Variants in VWA5B2 observed in about 807,000 individuals in gnomAD.
The protein encoded by VWA5B2 is von Willebrand factor A domain-containing protein 5B2.
A neutral mutation model predicts 118.5 loss-of-function variants in VWA5B2; 93 were observed. The ratio of observed to expected loss-of-function variants is 0.79; its 90% CI spans 0.66 to 0.93. The LOEUF (loss-of-function observed/expected upper bound fraction) is 0.93, where lower values mean the gene tolerates loss of function less well. Ranked by LOEUF, VWA5B2 falls within the 40% of genes least tolerant of loss-of-function variation. The pLI is 0.00. For synonymous variants in VWA5B2, 708 were observed against 716.3 expected, an observed-to-expected ratio of 0.99 and a Z score of 0.19; for missense variants, 1,546 against 1,672.8, an observed-to-expected ratio of 0.92 and a Z score of 1.32.
chr3:184,238,473 G>C lies in VWA5B2; in HGVS notation c.1890G>C (p.Gln630His). 5 of 1,544,582 alleles carry C rather than the reference G, an allele frequency of 3.2e-6. No individual in the cohort carries two copies. Among genetic ancestry groups the C allele is most frequent in the Non-Finnish European group, 4.4e-6 (5 of 1,141,786 alleles). ...CATGGGCTGCCAGGGACTCGGAGCA[G>C]AGTGAGTGCCCAGGTGTATGTGTGT... is the stretch of plus-strand genomic sequence containing the variant. ...SSPWAARDSE[Q>H]STDALTDPVT... The change falls in exon 13 of 20, where the codon CAG becomes CAC. Residue 630 changes from glutamine to histidine, a missense_variant and splice_region_variant. Gln to His is a conservative substitution (Grantham distance 24). This residue lies in a region of VWA5B2 where 775 missense variants were observed against 882.3 expected (regional missense o/e 0.88). Coordinates refer to ENST00000691901, the MANE Select transcript of VWA5B2 (RefSeq NM_001390846.1). The surrounding 1 kb of genome is among the most constrained non-coding windows in gnomAD (Gnocchi z 5.0).
intron 7 of VWA5B2, 113 bp downstream of exon 7, chr3:184,234,868 G>C (rs1717807197): frequency 6.9e-7 from 1 of 1,457,390 alleles, no homozygotes; most frequent in Non-Finnish European, 9.2e-7. Context: ...TTCTCGGTAA[G>C]ATCTCTCCAC....
chr3:184,237,279 G>A lies in VWA5B2; in HGVS notation c.1587G>A (p.Val529=). Residue 529 remains valine (V), a synonymous_variant, in exon 12 of 20, where the codon GTG becomes GTA. Transcript: ENST00000691901. This position sits in a 1 kb window ranked among gnomAD's most constrained non-coding sequence, Gnocchi z 5.6. ...ALEPALSDIS[V]DWFVPDTVEA... ...AGCCTGCTTTGAGTGACATCTCTGT[G>A]GACTGGTTTGTGCCCGACACTGTGG... The A allele has an allele frequency of 1.9e-6, 3 of 1,551,638 alleles. No individual in the cohort carries two copies. Among genetic ancestry groups the A allele is most frequent in the Non-Finnish European group, 2.6e-6 (3 of 1,147,032 alleles).
chr3:184,234,735 G>A lies in VWA5B2; in HGVS notation c.925G>A (p.Asp309Asn), dbSNP rs1298670492. The change falls in exon 7 of 20, where the codon GAC becomes AAC. Residue 309 changes from aspartate to asparagine, a missense_variant. By Grantham distance (23) the Asp-to-Asn change is conservative. This residue lies in a region of VWA5B2 where 775 missense variants were observed against 882.3 expected (regional missense o/e 0.88). Transcript: ENST00000691901. The stretch of plus-strand genomic sequence containing the variant: ...AGATTTTCAGAGGCTACAGCGAAGG[G>A]ACAGTGATGGGGACCGGCAGGTACC... ...RRDFQRLQRR[D>N]SDGDRQVWFL... The A allele has an allele frequency of 6.4e-7, 1 of 1,551,478 alleles. No homozygotes were observed. The highest frequency in any genetic ancestry group is 1.2e-5 in the South Asian group (1 of 84,050).
intron 16 of VWA5B2, 30 bp downstream of exon 16, chr3:184,240,066 C>T: frequency 6.8e-7 from 1 of 1,476,228 alleles, no homozygotes; most frequent in Non-Finnish European, 9.0e-7. Context: ...AGTCAGGACC[C>T]AAAGGCATGG....
intron 3 of VWA5B2, among the ~76,000 whole-genome samples, chr3:184,232,184 A>T (rs1717463676): frequency 6.6e-6 from 1 of 152,088 alleles, no homozygotes; most frequent in Non-Finnish European, 1.5e-5. Flanking sequence ...GATGAAAGTC[A>T]TAGCAGGGGT....
chr3:184,239,676 C>T lies in VWA5B2; in HGVS notation c.2393-13C>T. ...ACCACTCTGCCCATGCCCCTGCTGT[C>T]TTGCCTCCCCAGGAAACCTGCTCTC... On this transcript the variant is annotated splice_polypyrimidine_tract_variant and intron_variant, in intron 15 of 19. Transcript: ENST00000691901. The surrounding 1 kb of genome is among the most constrained non-coding windows in gnomAD (Gnocchi z 5.1). The T allele has an allele frequency of 6.8e-7, 1 of 1,466,552 alleles. No individual in the cohort carries two copies. The highest frequency in any genetic ancestry group is 9.1e-7 in the Non-Finnish European group (1 of 1,102,700). 90.8% of individuals were successfully genotyped at this position (1,466,552 alleles called of 1,614,324 possible).
In VWA5B2 at chr3:184,236,628, C is replaced by A. The variant is rs1560154065; in HGVS notation, c.1422-10C>A. The A allele has an allele frequency of 6.4e-7, 1 of 1,550,394 alleles. No individual in the cohort carries two copies. Among genetic ancestry groups the A allele is most frequent in the East Asian group, 2.4e-5 (1 of 40,884 alleles). On this transcript the variant is annotated splice_polypyrimidine_tract_variant and intron_variant, in intron 10 of 19. Coordinates refer to ENST00000691901, the MANE Select transcript of VWA5B2 (RefSeq NM_001390846.1). ...CCTGAAGATCACAGCTGCTTCCTTT[C>A]CTTCATCAGATGCTTCTCCTTTGGG...
rs1718346127 is a variant in VWA5B2 at position 184,239,541 on chromosome 3, C to G, written c.2350C>G (p.Pro784Ala). The G allele has an allele frequency of 6.5e-7, 1 of 1,541,524 alleles. No individual in the cohort carries two copies. The highest frequency in any genetic ancestry group is 8.8e-7 in the Non-Finnish European group (1 of 1,140,036). ...SLGAILDGPS[P>A]EPGQQLGQGL... Reference sequence around the variant, plus strand: ...GGGTGCAATACTAGATGGCCCAAGTCCTGAGCCAGGCCAACAGTTGGGACA... The same window carrying G: ...GGGTGCAATACTAGATGGCCCAAGTGCTGAGCCAGGCCAACAGTTGGGACA... The change falls in exon 15 of 20, where the codon CCT (proline) becomes GCT (alanine). Residue 784 changes from proline to alanine, a missense_variant. Transcript: ENST00000691901. The surrounding 1 kb of genome is among the most constrained non-coding windows in gnomAD (Gnocchi z 5.1).
chr3:184,236,506 C>T lies in VWA5B2; in HGVS notation c.1376C>T (p.Thr459Ile). 1 of 1,548,510 alleles carries T rather than the reference C, an allele frequency of 6.5e-7. No homozygotes were observed. The highest frequency in any genetic ancestry group is 8.7e-7 in the Non-Finnish European group (1 of 1,146,990). Reference sequence around the variant, plus strand: ...GCTGCCTCACCCATGGCCGCCACTACCCACCGAACCCTGGAGCTCATGAGG... The same window carrying T: ...GCTGCCTCACCCATGGCCGCCACTATCCACCGAACCCTGGAGCTCATGAGG... ...LTAASPMAAT[T>I]HRTLELMRWH... Residue 459 changes from threonine to isoleucine, a missense_variant, in exon 10 of 20, where the codon ACC becomes ATC. Thr to Ile is a moderately conservative substitution (Grantham distance 89). Coordinates refer to ENST00000691901, the MANE Select transcript of VWA5B2 (RefSeq NM_001390846.1).
chr3:184,233,575 G>C lies in VWA5B2; in HGVS notation c.531-1G>C, dbSNP rs1010478587. ...GTGACCCTCCTCATGCTCCCTTCCA[G>C]CCCCACCAGCTGCTTCGGGGTGGGC... is the stretch of plus-strand genomic sequence containing the variant. On this transcript the variant is annotated splice_acceptor_variant, in intron 4 of 19. Coordinates refer to ENST00000691901, the MANE Select transcript of VWA5B2 (RefSeq NM_001390846.1). LOFTEE classifies it high-confidence loss of function. This position sits in a 1 kb window ranked among gnomAD's most constrained non-coding sequence, Gnocchi z 5.2. 9 of 1,550,104 alleles carry C rather than the reference G, an allele frequency of 5.8e-6. No individual in the cohort carries two copies. In the Admixed American group the frequency reaches 1.8e-4, roughly 30 times the overall value.
At chr3:184,236,125 C>A in intron 8 of VWA5B2, 27 bp from the exon 9 acceptor site, 1 of 1,544,008 alleles carries the variant, frequency 6.5e-7, no homozygotes, top group Non-Finnish European at 8.8e-7. Context: ...GGGCCGGCCT[C>A]ACGCCGCCCT....
In VWA5B2 at chr3:184,236,572, G is replaced by C. The variant is rs756261946; in HGVS notation, c.1421+21G>C. 3.2e-5 allele frequency: 50 copies of C among 1,550,194 alleles called. No individual in the cohort carries two copies. The Admixed American group carries it at 9.8e-4, about 30-fold the overall frequency. On this transcript the variant is annotated intron_variant, in intron 10 of 19. Transcript: ENST00000691901. ...GCCAGGTATGGGATGGGCAGAACCA[G>C]ATGCGTAAGACTGAGCCCCCACAAG...
At chr3:184,234,017 C>T (rs1471220957) in intron 5 of VWA5B2, among the ~76,000 whole-genome samples, 2 of 152,110 alleles carry the variant, frequency 1.3e-5, no homozygotes, top group African/African-American at 4.8e-5. Context: ...GTAGGTTTTC[C>T]TTACACAGAA....
intron 11 of VWA5B2, 49 bp downstream of exon 11, chr3:184,236,798 C>A (rs1219058392): frequency 1.7e-5 from 24 of 1,406,056 alleles, no homozygotes; most frequent in Non-Finnish European, 2.3e-5. Flanking sequence ...GTTTTTCTCC[C>A]AAGTTACACA....
At position 184,241,036 on chromosome 3, in the gene VWA5B2, C is replaced by T. The variant is rs1042960458; in HGVS notation, c.2891C>T (p.Pro964Leu). Residue 964 changes from proline to leucine, a missense_variant, in exon 18 of 20, where the codon CCC becomes CTC. Physicochemically the swap from Pro to Leu is moderately conservative, Grantham distance 98 (BLOSUM62 -3). Coordinates refer to ENST00000691901, the MANE Select transcript of VWA5B2 (RefSeq NM_001390846.1). This position sits in a 1 kb window ranked among gnomAD's most constrained non-coding sequence, Gnocchi z 5.1. ...LQVCSSEPAE[P>L]PGTPPASHSH... is the part of the protein sequence containing the mutation. ...TGTGCCCCTGCAGAGCCCGCTGAGC[C>T]CCCAGGAACCCCTCCTGCCTCTCAC... 9.0e-6 allele frequency: 14 copies of T among 1,551,554 alleles called. No homozygotes were observed. The highest frequency in any genetic ancestry group is 2.0e-5 in the Admixed American group (1 of 50,974).
chr3:184,240,863 G>C lies in VWA5B2; in HGVS notation c.2813G>C (p.Cys938Ser). Residue 938 changes from cysteine (C) to serine (S), a missense_variant, in exon 17 of 20, where the codon TGC (cysteine) becomes TCC (serine). By Grantham distance (112) the Cys-to-Ser change is moderately radical. Around this residue, in one of 3 missense-constraint regions of VWA5B2, gnomAD observed 763 missense variants for 766.6 expected, o/e 1.00. Transcript: ENST00000691901. Reference protein sequence around the residue: ...KVSSAPSCFTCPVAVDATTRE... With the variant: ...KVSSAPSCFTSPVAVDATTRE... Reference sequence around the variant, plus strand: ...AGCTCTGCCCCCTCCTGCTTCACTTGCCCTGTAGCTGTGGATGCTACTACT... The same window carrying C: ...AGCTCTGCCCCCTCCTGCTTCACTTCCCCTGTAGCTGTGGATGCTACTACT... The C allele has an allele frequency of 3.2e-6, 5 of 1,551,664 alleles. No homozygotes were observed. The highest frequency in any genetic ancestry group is 4.4e-6 in the Non-Finnish European group (5 of 1,146,976).
chr3:184,233,100 A>G lies in VWA5B2; in HGVS notation c.311-78A>G, dbSNP rs1378007049. 44 of 1,376,188 alleles carry G rather than the reference A, an allele frequency of 3.2e-5. No homozygotes were observed. The highest frequency in any genetic ancestry group is 4.4e-5 in the Non-Finnish European group (44 of 1,007,798). The allele number at this position is 1,376,188 out of a possible 1,614,324, so 85.2% of individuals were successfully genotyped here. A position where few individuals can be genotyped will look rare whatever the true frequency, so the allele number is the denominator to read the frequency against. On this transcript the variant is annotated intron_variant, in intron 3 of 19. Transcript: ENST00000691901. The surrounding 1 kb of genome is among the most constrained non-coding windows in gnomAD (Gnocchi z 5.2). ...CCCCCTTGCCCAGGCTCCCTGACCC[A>G]ATGCCTGCTTCCACATCTAGCTTCC...
chr3:184,238,566 C>T lies in VWA5B2; in HGVS notation c.1895C>T (p.Thr632Ile). The T allele has an allele frequency of 2.6e-6, 4 of 1,547,242 alleles. No homozygotes were observed. The highest frequency in any genetic ancestry group is 3.5e-6 in the Non-Finnish European group (4 of 1,143,512). ...CCATTCTACTGCCTCCCAGCAGGTA[C>T]TGATGCTCTGACAGACCCAGTCACG... ...PWAARDSEQS[T>I]DALTDPVTDP... is the part of the protein sequence containing the mutation. The change falls in exon 14 of 20, where the codon ACT becomes ATT. Residue 632 changes from threonine (T) to isoleucine (I), a missense_variant. Around this residue, in one of 3 missense-constraint regions of VWA5B2, gnomAD observed 775 missense variants for 882.3 expected, o/e 0.88. Transcript: ENST00000691901. This position sits in a 1 kb window ranked among gnomAD's most constrained non-coding sequence, Gnocchi z 5.0.
intron 11 of VWA5B2, among the ~76,000 whole-genome samples, chr3:184,236,952 C>A (rs1268542714): frequency 1.3e-5 from 2 of 152,202 alleles, no homozygotes; most frequent in Non-Finnish European, 2.9e-5. Context: ...CCCTCTGAAT[C>A]CCATTTAGTC....
Sources: gnomAD v4.1 joint callset for allele counts (sites outside exome capture counted in the v4.1 genomes callset) on GRCh38, gnomAD v4.1.1 for gene constraint, gnomAD v4.1.1 regional missense constraint, Gnocchi (gnomAD v3.1) non-coding constraint, MANE v1.5 for transcripts, NCBI Gene and HGNC (gene_info 2026-07-23, HGNC 2026-07-21) for gene names.